The following PTPN13 variants were observed in gnomAD, a reference collection of about 807,000 sequenced individuals.
PTPN13 encodes the protein tyrosine-protein phosphatase non-receptor type 13.
A neutral mutation model predicts 284.0 loss-of-function variants in PTPN13; 191 were observed. The ratio of observed to expected loss-of-function variants is 0.67; its 90% CI spans 0.60 to 0.76. PTPN13 has a LOEUF of 0.76. Among genes scored for constraint, PTPN13 ranks in the 30% least tolerant of loss-of-function variants. The probability of loss-of-function intolerance (pLI) is 0.00; values close to 1 mark genes in which losing one functional copy is unlikely to be tolerated. For missense variants in PTPN13, 2,797 were observed against 2,939.9 expected (o/e 0.95, Z 1.12); for synonymous variants, 986 against 1,022.3 (o/e 0.96, Z 0.68).
At chr4:86,722,747 A>C (rs957315029) in intron 10 of PTPN13, among the ~76,000 whole-genome samples, 1 of 152,186 alleles carries the variant, frequency 6.6e-6, no homozygotes, top group Non-Finnish European at 1.5e-5. Context: ...TTATTTTTTC[A>C]TATTAAGAAA....
At chr4:86,603,178 A>C (rs140168796) in intron 1 of PTPN13, among the ~76,000 whole-genome samples, 9 of 152,214 alleles carry the variant, frequency 5.9e-5, no homozygotes, top group Non-Finnish European at 1.2e-4. Flanking sequence ...GTATAATTTG[A>C]ATTAAAATGA....
chr4:86,774,471 T>G lies in PTPN13; in HGVS notation c.5448T>G (p.Asp1816Glu), dbSNP rs748777533. 5 of 1,605,854 alleles carry G rather than the reference T, an allele frequency of 3.1e-6. No homozygotes were observed. In the South Asian group the frequency reaches 4.5e-5, roughly 14 times the overall value. Residue 1816 changes from aspartate (D) to glutamate (E), a missense_variant, in exon 33 of 48, where the codon GAT becomes GAG. Physicochemically the swap from Asp to Glu is conservative, Grantham distance 45. Coordinates refer to ENST00000411767, the MANE Select transcript of PTPN13 (RefSeq NM_080683.3). ...GNQRIGCYVH[D>E]VIQDPAKSDG... ...AGAGAATTGGTTGTTATGTTCATGA[T>G]GTCATACAGGATCCAGCCAAAAGTG...
chr4:86,614,528 A>C (rs1578254851), intron 1 of PTPN13, among the ~76,000 whole-genome samples: 1 of 152,204 alleles, frequency 6.6e-6, no homozygotes, highest in Non-Finnish European at 1.5e-5. Flanking sequence ...TACTTTTGAC[A>C]TGGTCAATTA....
intron 20 of PTPN13, among the ~76,000 whole-genome samples, chr4:86,756,256 A>T (rs915761202): frequency 2.0e-5 from 3 of 151,742 alleles, no homozygotes; most frequent in African/African-American, 7.2e-5. Context: ...TCCTAATGTG[A>T]CCTCACCCCC....
intron 2 of PTPN13, among the ~76,000 whole-genome samples, chr4:86,654,070 G>A (rs1241743912): frequency 1.3e-5 from 2 of 152,106 alleles, no homozygotes; most frequent in Non-Finnish European, 2.9e-5. Context: ...GAGAAAGCAG[G>A]AAAGATCTAA....
chr4:86,807,730 G>T lies in PTPN13; in HGVS notation c.6916G>T (p.Ala2306Ser). 1 of 1,614,016 alleles carries T rather than the reference G, an allele frequency of 6.2e-7. No individual in the cohort carries two copies. The highest frequency in any genetic ancestry group is 8.5e-7 in the Non-Finnish European group (1 of 1,179,886). Residue 2306 changes from alanine to serine, a missense_variant, in exon 45 of 48, where the codon GCC becomes TCC. Coordinates refer to ENST00000411767, the MANE Select transcript of PTPN13 (RefSeq NM_080683.3). The stretch of plus-strand genomic sequence containing the variant: ...TTGGGAGCAAAAATCCACAGTGATA[G>T]CCATGATGACTCAAGAAGTAGAAGG... ...MIWEQKSTVI[A>S]MMTQEVEGEK...
intron 3 of PTPN13, among the ~76,000 whole-genome samples, chr4:86,673,367 TA>T (rs1407525327): frequency 4.6e-5 from 7 of 152,140 alleles, no homozygotes; most frequent in African/African-American, 1.7e-4. Flanking sequence ...TTCAGATAAA[TA>T]AAAATAGGTA....
At chr4:86,655,272 G>T (rs1196737826) in intron 2 of PTPN13, among the ~76,000 whole-genome samples, 1 of 152,152 alleles carries the variant, frequency 6.6e-6, no homozygotes, top group Non-Finnish European at 1.5e-5. Context: ...GTGTGAATTT[G>T]ATCCTGTCAT....
chr4:86,799,317 C>CTTTTTTTT (rs11358237), intron 42 of PTPN13, 113 bp downstream of exon 42: 2 of 359,308 alleles, frequency 5.6e-6, no homozygotes, highest in Non-Finnish European at 4.7e-6. Flanking sequence ...ACATTATTTG[C>CTTTTTTTT]TTTTTTTTTT....
At chr4:86,622,537 A>G (rs1721375830) in intron 1 of PTPN13, among the ~76,000 whole-genome samples, 1 of 152,186 alleles carries the variant, frequency 6.6e-6, no homozygotes, top group Non-Finnish European at 1.5e-5. Context: ...AATATAACCA[A>G]TAACGAAGGG....
chr4:86,659,751 G>A (rs1325219874), intron 2 of PTPN13, among the ~76,000 whole-genome samples: 1 of 152,032 alleles, frequency 6.6e-6, no homozygotes, highest in African/African-American at 2.4e-5. Flanking sequence ...GGGAGGCAGA[G>A]GTTGCGGTGA....
At chr4:86,810,526 A>C (rs1425463825) in intron 46 of PTPN13, among the ~76,000 whole-genome samples, 3 of 152,222 alleles carry the variant, frequency 2.0e-5, no homozygotes. Context: ...AAATTTTAGA[A>C]TATCTTACCA....
intron 10 of PTPN13, among the ~76,000 whole-genome samples, chr4:86,724,700 A>T (rs377398792): frequency 6.6e-6 from 1 of 152,100 alleles, no homozygotes; most frequent in Non-Finnish European, 1.5e-5. Flanking sequence ...TTCCCACAGC[A>T]TAAATGTTTA....
At chr4:86,717,797 A>C (rs191039990) in intron 9 of PTPN13, among the ~76,000 whole-genome samples, 1 of 152,256 alleles carries the variant, frequency 6.6e-6, no homozygotes, top group East Asian at 1.9e-4. Context: ...GCAAGCTTTC[A>C]GTGAGTATTT....
chr4:86,676,625 C>T (rs562562089), intron 3 of PTPN13, among the ~76,000 whole-genome samples: 1 of 152,120 alleles, frequency 6.6e-6, no homozygotes, highest in East Asian at 1.9e-4. Flanking sequence ...TGTTCATTGG[C>T]AGATGAATGG....
At chr4:86,666,238 T>C (rs1727058601) in intron 2 of PTPN13, among the ~76,000 whole-genome samples, 1 of 152,138 alleles carries the variant, frequency 6.6e-6, no homozygotes, top group Non-Finnish European at 1.5e-5. Flanking sequence ...AAGAATGAAA[T>C]GAAGCTGACA....
At chr4:86,657,543 C>CT (rs1370653447) in intron 2 of PTPN13, among the ~76,000 whole-genome samples, 1 of 152,206 alleles carries the variant, frequency 6.6e-6, no homozygotes, top group African/African-American at 2.4e-5. Context: ...GTGACACAGA[C>CT]TTTCCTGTGA....
At chr4:86,741,558 C>T in intron 15 of PTPN13, 76 bp from the exon 16 acceptor site, 3 of 1,346,226 alleles carry the variant, frequency 2.2e-6, no homozygotes, top group Admixed American at 2.1e-5. Context: ...ACGGCCAAAC[C>T]ATATCATACA....
chr4:86,799,579 C>A (rs1743759341), intron 42 of PTPN13, among the ~76,000 whole-genome samples: 1 of 151,952 alleles, frequency 6.6e-6, no homozygotes, highest in Admixed American at 6.6e-5. Context: ...ATCCACCTAC[C>A]TCAGCTTCCC....
Sources: gnomAD v4.1 joint callset for allele counts (sites outside exome capture counted in the v4.1 genomes callset) on GRCh38, gnomAD v4.1.1 for gene constraint, MANE v1.5 for transcripts, NCBI Gene and HGNC (gene_info 2026-07-23, HGNC 2026-07-21) for gene names.